CACNB4: variants seen among roughly 807,000 people sequenced by gnomAD.
CACNB4 encodes calcium voltage-gated channel auxiliary subunit beta 4.
Under a neutral mutation model 71.2 loss-of-function variants are expected in CACNB4, and 32 were observed. The observed-to-expected ratio is 0.45, with a 90% confidence interval of 0.34 to 0.60. The LOEUF (loss-of-function observed/expected upper bound fraction) is 0.60. Ranked by LOEUF, CACNB4 falls within the 20% of genes least tolerant of loss-of-function variation. The pLI, the probability that CACNB4 is intolerant of heterozygous loss-of-function variation, is 0.01. For synonymous variants in CACNB4, 231 were observed against 236.9 expected, an observed-to-expected ratio of 0.97 and a Z score of 0.23; for missense variants, 464 against 647.9, an observed-to-expected ratio of 0.72 and a Z score of 3.08.
intron 2 of CACNB4, among the ~76,000 whole-genome samples, chr2:152,007,171 T>C (rs1682777213): frequency 6.6e-6 from 1 of 151,778 alleles, no homozygotes; most frequent in South Asian, 2.1e-4. Context: ...TGTATGTGCC[T>C]TTTTTTTAAC....
chr2:151,980,134 T>C (rs763122198), intron 2 of CACNB4, among the ~76,000 whole-genome samples: 2 of 152,238 alleles, frequency 1.3e-5, no homozygotes, highest in Non-Finnish European at 2.9e-5. Flanking sequence ...CAGGAGTTTT[T>C]CTCTTTGATT....
intron 2 of CACNB4, among the ~76,000 whole-genome samples, chr2:151,917,160 G>T (rs754257535): frequency 3.0e-4 from 45 of 152,188 alleles, no homozygotes; most frequent in Non-Finnish European, 4.1e-4. Flanking sequence ...TTAATACAAT[G>T]TTAAACAATA....
chr2:151,992,362 G>A lies in CACNB4; in HGVS notation c.147+105968C>T, dbSNP rs907918110. 2.3e-4 allele frequency among the ~76,000 whole-genome samples: 35 copies of A among 152,186 alleles called. 1 individual carries two copies. Among genetic ancestry groups the A allele is most frequent in the Admixed American group, 5.9e-4 (9 of 15,286 alleles). Reference sequence around the variant, plus strand: ...AGCACGATTTCCTTCAGTTTATCCCGTGTCCCGGGGATTTTAATTAATAAA... The same window carrying A: ...AGCACGATTTCCTTCAGTTTATCCCATGTCCCGGGGATTTTAATTAATAAA... On this transcript the variant is annotated intron_variant, in intron 2 of 13. Transcript: ENST00000539935.
chr2:152,082,228 T>C (rs1180404897), intron 2 of CACNB4, among the ~76,000 whole-genome samples: 1 of 152,194 alleles, frequency 6.6e-6, no homozygotes, highest in East Asian at 1.9e-4. Context: ...AGTTATAAAT[T>C]CCAGCTCTAT....
At chr2:152,097,504 G>T (rs796275155) in intron 2 of CACNB4, among the ~76,000 whole-genome samples, 9 of 152,282 alleles carry the variant, frequency 5.9e-5, no homozygotes, top group African/African-American at 2.2e-4. Flanking sequence ...GTGACTCATT[G>T]CATGATCTCT....
At chr2:151,844,300 A>G (rs1559852434) in intron 12 of CACNB4, among the ~76,000 whole-genome samples, 1 of 152,192 alleles carries the variant, frequency 6.6e-6, no homozygotes. Context: ...TTGAAGCTGC[A>G]GCATAAAGTT....
chr2:151,864,818 T>C (rs1311421055), intron 9 of CACNB4, among the ~76,000 whole-genome samples: 1 of 152,218 alleles, frequency 6.6e-6, no homozygotes, highest in African/African-American at 2.4e-5. Context: ...TGTCCTCTGT[T>C]AATAAACACA....
intron 2 of CACNB4, among the ~76,000 whole-genome samples, chr2:151,948,513 T>C (rs2099866124): frequency 6.6e-6 from 1 of 151,806 alleles, no homozygotes; most frequent in African/African-American, 2.4e-5. Context: ...ATATAAAAAT[T>C]AGCCAGGCAT....
intron 2 of CACNB4, among the ~76,000 whole-genome samples, chr2:151,984,570 G>C (rs952432224): frequency 6.6e-6 from 1 of 152,060 alleles, no homozygotes; most frequent in African/African-American, 2.4e-5. Flanking sequence ...TAAAGTTTGG[G>C]GAGAAGAACA....
At chr2:151,852,524 G>C (rs1331266144) in intron 12 of CACNB4, 1 of 152,160 alleles carries the variant, frequency 6.6e-6, no homozygotes, top group Non-Finnish European at 1.5e-5. Flanking sequence ...TCCTGGCGCT[G>C]TTCTAACAGC....
chr2:151,904,693 C>A (rs2099854339), intron 2 of CACNB4, among the ~76,000 whole-genome samples: 1 of 152,098 alleles, frequency 6.6e-6, no homozygotes, highest in South Asian at 2.1e-4. Flanking sequence ...TACCACCACA[C>A]CCAGCTAATT....
At chr2:151,982,443 C>A (rs1298238317) in intron 2 of CACNB4, among the ~76,000 whole-genome samples, 1 of 151,976 alleles carries the variant, frequency 6.6e-6, no homozygotes, top group Non-Finnish European at 1.5e-5. Context: ...ACCATCCTGG[C>A]TAACACAGTG....
chr2:151,996,620 CAAAAAT>C (rs1457602481), intron 2 of CACNB4, among the ~76,000 whole-genome samples: 1 of 152,096 alleles, frequency 6.6e-6, no homozygotes, highest in Non-Finnish European at 1.5e-5. Context: ...GTGAGTGACT[CAAAAAT>C]AAATAGCCCA....
chr2:151,864,183 T>A (rs1382100878), intron 9 of CACNB4, among the ~76,000 whole-genome samples: 1 of 152,196 alleles, frequency 6.6e-6, no homozygotes, highest in Non-Finnish European at 1.5e-5. Context: ...CTCTAAAAAG[T>A]TCCCTTGGAA....
rs552554253 is a variant in CACNB4 at position 152,032,901 on chromosome 2, C to A, written c.147+65429G>T. Among the ~76,000 whole-genome samples, 50 of 152,246 alleles carry A rather than the reference C, an allele frequency of 3.3e-4. 1 individual carries two copies. The South Asian group carries it at 9.9e-3, about 30-fold the overall frequency. The stretch of plus-strand genomic sequence containing the variant: ...CCCTGGAGTTCAAGGCTGCAGTGAG[C>A]TATGATTATGCCACTGCACTCCAGC... On this transcript the variant is annotated intron_variant, in intron 2 of 13. Coordinates refer to ENST00000539935, the MANE Select transcript of CACNB4 (RefSeq NM_000726.5).
intron 2 of CACNB4, among the ~76,000 whole-genome samples, chr2:151,964,361 T>C (rs889253608): frequency 1.3e-5 from 2 of 152,212 alleles, no homozygotes; most frequent in African/African-American, 4.8e-5. Flanking sequence ...TTTCTAAATA[T>C]TCCTGTTTGT....
chr2:151,856,166 A>G (rs1578479745), intron 10 of CACNB4, among the ~76,000 whole-genome samples: 1 of 142,366 alleles, frequency 7.0e-6, no homozygotes, highest in African/African-American at 2.7e-5. Flanking sequence ...TTTTTTTTTT[A>G]AGGAAAACAG....
chr2:152,062,850 T>TTTC (rs1686097734), intron 2 of CACNB4, among the ~76,000 whole-genome samples: 3 of 152,180 alleles, frequency 2.0e-5, no homozygotes, highest in Admixed American at 6.5e-5. Context: ...AGACATGAGG[T>TTTC]GTGAACTGTG....
At chr2:152,013,888 A>T (rs1440637198) in intron 2 of CACNB4, among the ~76,000 whole-genome samples, 2 of 152,190 alleles carry the variant, frequency 1.3e-5, no homozygotes, top group Non-Finnish European at 2.9e-5. Context: ...AAATGCTTCT[A>T]GGTCTCCAGA....
Sources: allele counts gnomAD v4.1 joint callset (sites outside exome capture counted in the v4.1 genomes callset), GRCh38; gene constraint gnomAD v4.1.1; transcripts MANE v1.5; gene names NCBI Gene and HGNC (gene_info 2026-07-23, HGNC 2026-07-21).